Variants in IPO11 observed in about 807,000 individuals in gnomAD.
IPO11 encodes the protein importin-11.
In IPO11, 66 loss-of-function variants were observed where a neutral mutation model predicts 143.2. The ratio of observed to expected loss-of-function variants is 0.46; its 90% CI spans 0.38 to 0.57. IPO11 has a LOEUF of 0.57. Ranked by LOEUF, IPO11 falls within the 20% of genes least tolerant of loss-of-function variation. The probability of loss-of-function intolerance (pLI) is 0.00; values close to 1 mark genes in which losing one functional copy is unlikely to be tolerated. For missense variants in IPO11, 1,026 were observed against 1,141.0 expected, an observed-to-expected ratio of 0.90 and a Z score of 1.45; for synonymous variants, 385 against 377.8, an observed-to-expected ratio of 1.02 and a Z score of -0.22.
At chr5:62,487,918 A>G in intron 13 of IPO11, 57 bp downstream of exon 13, 1 of 1,453,408 alleles carries the variant, frequency 6.9e-7, no homozygotes, top group African/African-American at 1.4e-5. Flanking sequence ...TAGTTAAGAA[A>G]TAGTCTGAGT....
At position 62,467,180 on chromosome 5, in the gene IPO11, C is replaced by T; in HGVS notation, c.566C>T (p.Thr189Ile). The T allele has an allele frequency of 6.2e-7, 1 of 1,613,848 alleles. No individual in the cohort carries two copies. The highest frequency in any genetic ancestry group is 1.1e-5 in the South Asian group (1 of 91,014). Reference protein sequence around the residue: ...NFACSLWNHHTDTFLQEVSSG... With the variant: ...NFACSLWNHHIDTFLQEVSSG... ...GCCTGCTCTCTGTGGAATCACCACACAGACACATTCCTGCAAGAAGTTTCT... is the reference window on the plus strand; with the variant it reads ...GCCTGCTCTCTGTGGAATCACCACATAGACACATTCCTGCAAGAAGTTTCT... Residue 189 changes from threonine to isoleucine, a missense_variant, in exon 6 of 30, where the codon ACA (threonine) becomes ATA (isoleucine). Thr to Ile is a moderately conservative substitution (Grantham distance 89). This residue lies in a region of IPO11 where 429 missense variants were observed against 456.3 expected (regional missense o/e 0.94). Transcript: ENST00000325324.
chr5:62,454,904 C>A (rs173522), intron 5 of IPO11, among the ~76,000 whole-genome samples: 108,369 of 152,046 alleles, frequency 0.71, 39,334 homozygotes, highest in African/African-American at 0.85. Context: ...GCAAAACTTC[C>A]AAAAGCAGGA....
intron 16 of IPO11, among the ~76,000 whole-genome samples, chr5:62,494,807 T>G (rs1741076226): frequency 6.6e-6 from 1 of 152,168 alleles, no homozygotes; most frequent in African/African-American, 2.4e-5. Flanking sequence ...ATGTTCGCTG[T>G]CTTTTCCTGA....
chr5:62,587,081 C>T lies in IPO11; in HGVS notation c.2583-4496C>T, dbSNP rs538165207. On this transcript the variant is annotated intron_variant, in intron 27 of 29. Coordinates refer to ENST00000325324, the MANE Select transcript of IPO11 (RefSeq NM_016338.5). ...GGCATTGTTTTTTATAGCAAAATCA[C>T]ACAGGATGGCAGTTTCTTCTCATGC... 2.0e-4 allele frequency among the ~76,000 whole-genome samples: 30 copies of T among 151,528 alleles called. No homozygotes were observed. In the South Asian group the frequency reaches 6.0e-3, roughly 30 times the overall value.
At chr5:62,558,195 A>G (rs1319031532) in intron 26 of IPO11, among the ~76,000 whole-genome samples, 1 of 152,236 alleles carries the variant, frequency 6.6e-6, no homozygotes, top group Non-Finnish European at 1.5e-5. Flanking sequence ...GTTATAATGA[A>G]TAGTATAAAT....
chr5:62,515,397 T>C lies in IPO11; in HGVS notation c.1792T>C (p.Tyr598His). 2 of 1,605,292 alleles carry C rather than the reference T, an allele frequency of 1.2e-6. No individual in the cohort carries two copies. Among genetic ancestry groups the C allele is most frequent in the South Asian group, 1.1e-5 (1 of 88,754 alleles). The change falls in exon 20 of 30, where the codon TAT (tyrosine) becomes CAT (histidine). Residue 598 changes from tyrosine (Y) to histidine (H), a missense_variant. Physicochemically the swap from Tyr to His is moderately conservative, Grantham distance 83. Coordinates refer to ENST00000325324, the MANE Select transcript of IPO11 (RefSeq NM_016338.5). ...IERVNMQIRP[Y>H]VGCLVQYLPL... is the part of the protein sequence containing the mutation. Reference sequence around the variant, plus strand: ...ACTTATATTGTAATAGATACGACCATATGTGGGATGTTTGGTACAATATTT... The same window carrying C: ...ACTTATATTGTAATAGATACGACCACATGTGGGATGTTTGGTACAATATTT...
At chr5:62,493,087 G>C (rs969146021) in intron 15 of IPO11, among the ~76,000 whole-genome samples, 3 of 152,144 alleles carry the variant, frequency 2.0e-5, no homozygotes, top group Non-Finnish European at 4.4e-5. Flanking sequence ...GAGAAAGAAA[G>C]AAATGTATAT....
intron 29 of IPO11, among the ~76,000 whole-genome samples, chr5:62,626,610 A>G (rs1746589686): frequency 6.6e-6 from 1 of 150,622 alleles, no homozygotes; most frequent in South Asian, 2.1e-4. Context: ...GTTATTTTTC[A>G]TGAAATTACA....
chr5:62,603,650 G>A (rs1393904372), intron 29 of IPO11, among the ~76,000 whole-genome samples: 1 of 152,214 alleles, frequency 6.6e-6, no homozygotes, highest in African/African-American at 2.4e-5. Context: ...AGTTCACCTA[G>A]TGTGCACAGC....
intron 29 of IPO11, among the ~76,000 whole-genome samples, chr5:62,602,827 A>C (rs1165493982): frequency 6.6e-6 from 1 of 152,166 alleles, no homozygotes; most frequent in Non-Finnish European, 1.5e-5. Flanking sequence ...TTAAGACCTG[A>C]ATTCTAGTCC....
At chr5:62,594,909 T>G (rs749993689) in intron 28 of IPO11, among the ~76,000 whole-genome samples, 19 of 152,170 alleles carry the variant, frequency 1.2e-4, no homozygotes, top group Non-Finnish European at 2.5e-4. Context: ...AAGTAACCTT[T>G]GTGAAATACA....
intron 25 of IPO11, among the ~76,000 whole-genome samples, chr5:62,550,736 A>T (rs1165806591): frequency 1.3e-5 from 2 of 152,144 alleles, no homozygotes; most frequent in African/African-American, 4.8e-5. Context: ...CCAATGCTTG[A>T]CTACTAAGAA....
intron 24 of IPO11, among the ~76,000 whole-genome samples, chr5:62,547,839 T>C (rs537300161): frequency 6.6e-6 from 1 of 152,286 alleles, no homozygotes; most frequent in African/African-American, 2.4e-5. Flanking sequence ...CCCTTTTGTT[T>C]TTAAAATTTT....
At chr5:62,450,149 C>A in intron 4 of IPO11, 150 bp downstream of exon 4, 1 of 524,452 alleles carries the variant, frequency 1.9e-6, no homozygotes, top group Non-Finnish European at 3.3e-6. Context: ...ATTTTGAGAT[C>A]TATTTGTAGC....
chr5:62,602,592 T>G (rs574011797), intron 29 of IPO11, among the ~76,000 whole-genome samples: 1 of 152,310 alleles, frequency 6.6e-6, no homozygotes, highest in Admixed American at 6.5e-5. Context: ...ACCTAGTAAT[T>G]ACTCTGTAAG....
rs1295427090 is a variant in IPO11, at chr5:62,553,643, C to T, written c.2460+2307C>T. The stretch of plus-strand genomic sequence containing the variant: ...GAGTTCCCTTTGCTCTACATCCTTT[C>T]CAGCATTTTTTTTTTTTTGCCTTTT... On this transcript the variant is annotated intron_variant, in intron 26 of 29. Coordinates refer to ENST00000325324, the MANE Select transcript of IPO11 (RefSeq NM_016338.5). 4.6e-5 allele frequency among the ~76,000 whole-genome samples: 7 copies of T among 151,882 alleles called. 1 individual carries two copies. In the South Asian group the frequency reaches 1.2e-3, roughly 27 times the overall value.
rs144355739 is a variant in IPO11, at chr5:62,579,861, T to C, written c.2583-11716T>C. 194 of 1,549,616 alleles carry C rather than the reference T, an allele frequency of 1.3e-4. No homozygotes were observed. The African/African-American group carries it at 2.3e-3, about 18-fold the overall frequency. On this transcript the variant is annotated intron_variant, in intron 27 of 29. Transcript: ENST00000325324. ...ATCTTCGTAATTTATATTTACAGTA[T>C]AATCAGGTATCTTTTGTTCCGAGAG...
At chr5:62,565,666 A>G (rs1743910148) in intron 27 of IPO11, among the ~76,000 whole-genome samples, 1 of 151,584 alleles carries the variant, frequency 6.6e-6, no homozygotes, top group Non-Finnish European at 1.5e-5. Flanking sequence ...TCTTTTTTTC[A>G]TACTTTAAGT....
intron 19 of IPO11, among the ~76,000 whole-genome samples, chr5:62,506,687 A>G (rs1741567513): frequency 6.6e-6 from 1 of 152,158 alleles, no homozygotes; most frequent in Non-Finnish European, 1.5e-5. Flanking sequence ...ACTTCTGGGA[A>G]AGTCTGTTAT....
Sources: allele counts gnomAD v4.1 joint callset (sites outside exome capture counted in the v4.1 genomes callset), GRCh38; gene constraint gnomAD v4.1.1; regional missense constraint gnomAD v4.1.1; transcripts MANE v1.5; gene names NCBI Gene and HGNC (gene_info 2026-07-23, HGNC 2026-07-21).